The following ARID1B variants were observed in gnomAD, a reference collection of about 807,000 sequenced individuals.
The protein encoded by ARID1B is AT-rich interactive domain-containing protein 1B.
Under a neutral mutation model 212.3 loss-of-function variants are expected in ARID1B, and 30 were observed. That is an observed-to-expected ratio of 0.14 (90% CI 0.11 to 0.19). ARID1B has a LOEUF of 0.19. ARID1B is among the 10% of genes least tolerant of loss of function. The pLI, the probability that ARID1B is intolerant of heterozygous loss-of-function variation, is 1.00. For missense variants in ARID1B, 2,891 were observed against 3,204.0 expected, an observed-to-expected ratio of 0.90 and a Z score of 2.36; for synonymous variants, 1,402 against 1,301.7, an observed-to-expected ratio of 1.08 and a Z score of -1.66.
At chr6:156,919,700 C>T (rs1582948736) in intron 3 of ARID1B, among the ~76,000 whole-genome samples, 1 of 152,194 alleles carries the variant, frequency 6.6e-6, no homozygotes, top group Admixed American at 6.5e-5. Flanking sequence ...GGCGTGTTAG[C>T]GGACATCTGT....
intron 4 of ARID1B, among the ~76,000 whole-genome samples, chr6:157,045,884 G>T (rs2144023): frequency 0.68 from 102,617 of 151,944 alleles, 35,537 homozygotes; most frequent in African/African-American, 0.84. Flanking sequence ...TACTGTTTCC[G>T]CTAAAAGAAA....
intron 8 of ARID1B, among the ~76,000 whole-genome samples, chr6:157,158,361 G>GT: frequency 6.6e-6 from 1 of 152,264 alleles, no homozygotes; most frequent in East Asian, 1.9e-4. Context: ...CTGTTTTTCT[G>GT]TTTCCTGGAC....
At chr6:156,979,035 A>C (rs1013643484) in intron 4 of ARID1B, among the ~76,000 whole-genome samples, 1 of 152,206 alleles carries the variant, frequency 6.6e-6, no homozygotes, top group African/African-American at 2.4e-5. Flanking sequence ...ATGTGTCGTC[A>C]GTGCTTATGT....
intron 3 of ARID1B, among the ~76,000 whole-genome samples, chr6:156,904,607 T>C (rs569937932): frequency 1.3e-5 from 2 of 152,376 alleles, no homozygotes; most frequent in South Asian, 2.1e-4. Context: ...TTCCTACATA[T>C]GTGCCAGTAG....
rs200812500 is a variant in ARID1B at position 157,076,311 on chromosome 6, GT to G, written c.2248-8347del. 9.0e-3 allele frequency among the ~76,000 whole-genome samples: 1,243 copies of G among 138,160 alleles called. 25 individuals are homozygous for G. The highest frequency in any genetic ancestry group is 0.03 in the African/African-American group (1,146 of 38,054). 90.6% of individuals were successfully genotyped at this position (138,160 alleles called of 152,430 possible). ...TTCTGTTAGGTTTTTTTGTTTGTTT[GT>G]TTTGTTTTTTTTTCCTCCAGGAGAT... On this transcript the variant is annotated intron_variant, in intron 4 of 19. Coordinates refer to ENST00000636930, the MANE Select transcript of ARID1B (RefSeq NM_001374828.1).
chr6:156,972,210 G>A (rs905036889), intron 4 of ARID1B, among the ~76,000 whole-genome samples: 1 of 152,224 alleles, frequency 6.6e-6, no homozygotes, highest in Non-Finnish European at 1.5e-5. Context: ...AGGAATTTTA[G>A]TTAATGTATA....
chr6:156,953,532 A>T lies in ARID1B; in HGVS notation c.2247+17956A>T, dbSNP rs573653148. Among the ~76,000 whole-genome samples, 69 of 152,262 alleles carry T rather than the reference A, an allele frequency of 4.5e-4. No homozygotes were observed. In the South Asian group the frequency reaches 0.014, roughly 30 times the overall value. ...AAGAAAAAAATCGGACTCCATTGAG[A>T]TTCTTTCTTGTTTACTTTTTGTTTT... On this transcript the variant is annotated intron_variant, in intron 4 of 19. Transcript: ENST00000636930.
chr6:157,098,265 C>T (rs1785793073), intron 5 of ARID1B, among the ~76,000 whole-genome samples: 1 of 152,162 alleles, frequency 6.6e-6, no homozygotes, highest in South Asian at 2.1e-4. Context: ...GGTGGCTGTT[C>T]AGCATTTTAT....
intron 2 of ARID1B, among the ~76,000 whole-genome samples, chr6:156,866,166 G>T (rs1785673316): frequency 6.6e-6 from 1 of 152,188 alleles, no homozygotes; most frequent in African/African-American, 2.4e-5. Context: ...AAAGAGGTCT[G>T]TTGGCAAGGT....
chr6:156,965,230 G>A (rs562892976), intron 4 of ARID1B, among the ~76,000 whole-genome samples: 10 of 152,290 alleles, frequency 6.6e-5, no homozygotes, highest in African/African-American at 2.4e-4. Context: ...TAATTCTGCA[G>A]TGCTTTCCCT....
intron 6 of ARID1B, among the ~76,000 whole-genome samples, chr6:157,111,892 T>G (rs1786950874): frequency 6.6e-6 from 1 of 152,200 alleles, no homozygotes; most frequent in African/African-American, 2.4e-5. Flanking sequence ...TAAAAGAGAT[T>G]CCTGGGCCCC....
intron 4 of ARID1B, among the ~76,000 whole-genome samples, chr6:157,006,208 A>C (rs1779244469): frequency 6.6e-6 from 1 of 152,190 alleles, no homozygotes; most frequent in Non-Finnish European, 1.5e-5. Context: ...GAGCTCTGTC[A>C]TTGATGGGCA....
At chr6:157,151,127 C>T (rs1055461082) in intron 8 of ARID1B, 1 of 152,852 alleles carries the variant, frequency 6.5e-6, no homozygotes, top group African/African-American at 2.4e-5. Flanking sequence ...TGGCTGCTTT[C>T]CTTCATGCCT....
intron 4 of ARID1B, among the ~76,000 whole-genome samples, chr6:157,028,786 C>T (rs912508224): frequency 3.3e-5 from 5 of 152,196 alleles, no homozygotes; most frequent in African/African-American, 1.2e-4. Flanking sequence ...CTTCTGAGTG[C>T]CGCTATTCTT....
At chr6:156,888,081 C>CTA (rs1446921960) in intron 2 of ARID1B, among the ~76,000 whole-genome samples, 2 of 152,170 alleles carry the variant, frequency 1.3e-5, no homozygotes, top group African/African-American at 4.8e-5. Flanking sequence ...CCCAGTCATG[C>CTA]GGTTACAAAG....
chr6:156,901,722 A>G, intron 3 of ARID1B, 197 bp downstream of exon 3: 1 of 710,420 alleles, frequency 1.4e-6, no homozygotes, highest in Non-Finnish European at 2.3e-6. Context: ...GAGGGTGAGA[A>G]GAATGACTGG....
chr6:156,939,033 G>C (rs1792471031), intron 4 of ARID1B: 1 of 152,166 alleles, frequency 6.6e-6, no homozygotes, highest in Non-Finnish European at 1.5e-5. Flanking sequence ...CCTAAGCACT[G>C]AACAAATCCT....
At chr6:156,932,780 G>T (rs548129945) in intron 3 of ARID1B, among the ~76,000 whole-genome samples, 1 of 152,148 alleles carries the variant, frequency 6.6e-6, no homozygotes. Flanking sequence ...ATTGTTCTAG[G>T]TTTAAACTTG....
chr6:156,845,150 T>C (rs1489269733), intron 2 of ARID1B, among the ~76,000 whole-genome samples: 3 of 152,222 alleles, frequency 2.0e-5, no homozygotes, highest in Non-Finnish European at 4.4e-5. Context: ...CCAGCCATAC[T>C]GGACTTTTAT....
Sources: allele counts gnomAD v4.1 joint callset (sites outside exome capture counted in the v4.1 genomes callset), GRCh38; gene constraint gnomAD v4.1.1; transcripts MANE v1.5; gene names NCBI Gene and HGNC (gene_info 2026-07-23, HGNC 2026-07-21).